RNF150: variants seen among roughly 807,000 people sequenced by gnomAD.
The protein encoded by RNF150 is ring finger protein 150.
In RNF150, 24 loss-of-function variants were observed where a neutral mutation model predicts 39.3. The observed-to-expected ratio is 0.61, with a 90% CI of 0.44 to 0.86. The LOEUF (loss-of-function observed/expected upper bound fraction) is 0.86. RNF150 is among the 40% of genes least tolerant of loss of function. The pLI is 0.00. For synonymous variants in RNF150, 255 were observed against 227.3 expected, an observed-to-expected ratio of 1.12 and a Z score of -1.10; for missense variants, 502 against 587.8, an observed-to-expected ratio of 0.85 and a Z score of 1.51.
chr4:141,127,117 GAC>G (rs1176664982), intron 1 of RNF150, among the ~76,000 whole-genome samples: 1 of 151,992 alleles, frequency 6.6e-6, no homozygotes, highest in African/African-American at 2.4e-5. Context: ...TCTAAGCACA[GAC>G]CAGCAGACAG....
chr4:141,169,616 C>T (rs1451159313), intron 1 of RNF150, among the ~76,000 whole-genome samples: 1 of 152,110 alleles, frequency 6.6e-6, no homozygotes, highest in African/African-American at 2.4e-5. Context: ...GGAAGTATGC[C>T]TGACATGGGC....
At chr4:141,137,415 G>A (rs530518882), upstream of RNF150, among the ~76,000 whole-genome samples, 2 of 152,194 alleles carry the variant, frequency 1.3e-5, no homozygotes, top group African/African-American at 4.8e-5. Flanking sequence ...GAAGTGATTC[G>A]ATCCTCAATA....
chr4:141,022,472 C>T (rs1055071444), intron 1 of RNF150, among the ~76,000 whole-genome samples: 3 of 152,100 alleles, frequency 2.0e-5, no homozygotes, highest in Admixed American at 6.6e-5. Flanking sequence ...AAGGTGATGC[C>T]TTTGAAAACT....
At chr4:141,036,472 A>G (rs1051284211) in intron 1 of RNF150, among the ~76,000 whole-genome samples, 1 of 152,150 alleles carries the variant, frequency 6.6e-6, no homozygotes, top group African/African-American at 2.4e-5. Flanking sequence ...CCTGTTGTGC[A>G]GTAGATCTCG....
chr4:140,943,916 A>G (rs1178880652), intron 4 of RNF150, among the ~76,000 whole-genome samples: 1 of 152,238 alleles, frequency 6.6e-6, no homozygotes, highest in East Asian at 1.9e-4. Flanking sequence ...ATAGGGATAA[A>G]TTAGAGATAG....
At chr4:141,175,884 C>T (rs959927887) in intron 1 of RNF150, among the ~76,000 whole-genome samples, 2 of 151,768 alleles carry the variant, frequency 1.3e-5, no homozygotes, top group African/African-American at 4.8e-5. Context: ...TCTCTTGTAA[C>T]TCTATCTTTA....
intron 4 of RNF150, among the ~76,000 whole-genome samples, chr4:140,929,939 T>C (rs1712953883): frequency 6.6e-6 from 1 of 151,990 alleles, no homozygotes; most frequent in Non-Finnish European, 1.5e-5. Context: ...GGCAGGCAAA[T>C]AACTTGAGTT....
chr4:140,925,508 C>T (rs1731359282), intron 5 of RNF150, among the ~76,000 whole-genome samples: 1 of 152,170 alleles, frequency 6.6e-6, no homozygotes, highest in Non-Finnish European at 1.5e-5. Context: ...AGGCTTTGAG[C>T]CTGACTTTCA....
intron 2 of RNF150, among the ~76,000 whole-genome samples, chr4:140,951,886 G>T (rs990601399): frequency 9.9e-5 from 15 of 151,920 alleles, no homozygotes; most frequent in Non-Finnish European, 1.6e-4. Context: ...GTGTTTAACT[G>T]GCATTATATA....
At chr4:140,996,003 A>G (rs564539838) in intron 1 of RNF150, among the ~76,000 whole-genome samples, 45 of 152,032 alleles carry the variant, frequency 3.0e-4, no homozygotes, top group African/African-American at 1.0e-3. Context: ...TAGCAATGGG[A>G]TTGCTGGATC....
At chr4:140,896,550 G>C (rs1729948368) in intron 6 of RNF150, among the ~76,000 whole-genome samples, 1 of 84,940 alleles carries the variant, frequency 1.2e-5, no homozygotes, top group Non-Finnish European at 2.3e-5. Flanking sequence ...GGTCGGGGGA[G>C]GGGGGAGGGA....
intron 1 of RNF150, among the ~76,000 whole-genome samples, chr4:141,207,864 C>G (rs551590359): frequency 1.3e-5 from 2 of 152,246 alleles, no homozygotes; most frequent in East Asian, 3.9e-4. Flanking sequence ...GTTTTACTTT[C>G]TTTTTATCAG....
At chr4:141,127,447 A>C (rs771181587) in intron 1 of RNF150, among the ~76,000 whole-genome samples, 1 of 152,182 alleles carries the variant, frequency 6.6e-6, no homozygotes, top group Non-Finnish European at 1.5e-5. Context: ...AAAAAAGAAA[A>C]CTTTATTAAA....
intron 1 of RNF150, among the ~76,000 whole-genome samples, chr4:141,057,829 C>T (rs1737045306): frequency 6.6e-6 from 1 of 152,118 alleles, no homozygotes; most frequent in Non-Finnish European, 1.5e-5. Flanking sequence ...TAAGACCAAA[C>T]CCCATGTGCA....
chr4:140,904,726 A>G (rs971098854), intron 6 of RNF150, among the ~76,000 whole-genome samples: 8 of 152,052 alleles, frequency 5.3e-5, no homozygotes, highest in African/African-American at 1.7e-4. Context: ...TTTTCTCTCA[A>G]CTGTCTTGAT....
At chr4:140,983,580 T>C (rs944651312) in intron 1 of RNF150, among the ~76,000 whole-genome samples, 4 of 152,120 alleles carry the variant, frequency 2.6e-5, no homozygotes, top group Non-Finnish European at 2.9e-5. Context: ...GAATCTGCCA[T>C]TGGTGAATCT....
At chr4:141,006,767 T>A (rs1734886768) in intron 1 of RNF150, among the ~76,000 whole-genome samples, 1 of 152,232 alleles carries the variant, frequency 6.6e-6, no homozygotes, top group Admixed American at 6.5e-5. Context: ...TATTAACAGA[T>A]CTCTTTTTAT....
At chr4:140,927,320 T>G (rs1731436163) in intron 4 of RNF150, among the ~76,000 whole-genome samples, 1 of 152,124 alleles carries the variant, frequency 6.6e-6, no homozygotes. Context: ...ATGGTTTGGG[T>G]CTGTGTCCCT....
At chr4:141,157,660 CAT>C (rs10539074) in intron 1 of RNF150, among the ~76,000 whole-genome samples, 35,465 of 150,820 alleles carry the variant, frequency 0.24, 4,603 homozygotes, top group East Asian at 0.56. Flanking sequence ...AGACTGATTC[CAT>C]ATGTCTTGGT....
Sources: gnomAD v4.1 joint callset for allele counts (sites outside exome capture counted in the v4.1 genomes callset) on GRCh38, gnomAD v4.1.1 for gene constraint, MANE v1.5 for transcripts, NCBI Gene and HGNC (gene_info 2026-07-23, HGNC 2026-07-21) for gene names.